The following SOX5 variants were observed in gnomAD, a reference collection of about 807,000 sequenced individuals.
SOX5 encodes SRY-box transcription factor 5, also known as transcription factor SOX-5.
SOX5 carries 9 observed loss-of-function variants against 92.0 expected under a neutral mutation model. The observed-to-expected ratio is 0.10, with a 90% CI of 0.06 to 0.17. SOX5 has a LOEUF of 0.17. Ranked by LOEUF, SOX5 falls within the 10% of genes least tolerant of loss-of-function variation. SOX5 has a pLI of 1.00. For synonymous variants in SOX5, 344 were observed against 336.3 expected (o/e 1.02, Z -0.25); for missense variants, 642 against 944.5 (o/e 0.68, Z 4.20).
chr12:24,230,005 A>G lies in SOX5; in HGVS notation c.-76-16588T>C, dbSNP rs967564113. Among the ~76,000 whole-genome samples the G allele has an allele frequency of 3.9e-5, 6 of 152,350 alleles. No homozygotes were observed. In the East Asian group the frequency reaches 1.2e-3, roughly 29 times the overall value. ...AAAAGAGAAATCATCAAAAATTTCA[A>G]ATGAGATCCCTAAAATGGGACATCT... On this transcript the variant is annotated intron_variant, in intron 3 of 4. Coordinates refer to the SOX5 transcript ENST00000446891.
chr12:23,908,253 G>A (rs1042548551), intron 1 of SOX5, among the ~76,000 whole-genome samples: 1 of 152,064 alleles, frequency 6.6e-6, no homozygotes, highest in African/African-American at 2.4e-5. Context: ...AAAACCTCCA[G>A]AGAATGCTTC....
At chr12:24,424,653 T>C (rs1198677423) in intron 1 of SOX5, among the ~76,000 whole-genome samples, 1 of 152,104 alleles carries the variant, frequency 6.6e-6, no homozygotes, top group Non-Finnish European at 1.5e-5. Context: ...TTCCCAACAC[T>C]ATAGTTTCCC....
At chr12:24,430,590 G>A (rs1172556165) in intron 1 of SOX5, among the ~76,000 whole-genome samples, 1 of 151,852 alleles carries the variant, frequency 6.6e-6, no homozygotes, top group African/African-American at 2.4e-5. Flanking sequence ...AGAACAACAA[G>A]TGCACTTCCT....
chr12:24,394,767 C>T (rs1959465945), intron 1 of SOX5, among the ~76,000 whole-genome samples: 1 of 152,106 alleles, frequency 6.6e-6, no homozygotes. Flanking sequence ...TTCACACTAC[C>T]CTTAAGTTAA....
At chr12:24,232,705 T>C (rs1409489392) in intron 3 of SOX5, among the ~76,000 whole-genome samples, 1 of 152,220 alleles carries the variant, frequency 6.6e-6, no homozygotes, top group African/African-American at 2.4e-5. Flanking sequence ...GTAACCTGGC[T>C]TTCATGGCCA....
intron 1 of SOX5, among the ~76,000 whole-genome samples, chr12:24,386,288 C>T (rs571518133): frequency 3.3e-4 from 51 of 152,248 alleles, no homozygotes; most frequent in African/African-American, 1.0e-3. Flanking sequence ...ACTTTACAAT[C>T]ATTATCATCA....
intron 6 of SOX5, among the ~76,000 whole-genome samples, chr12:23,719,661 G>A (rs1318502956): frequency 9.2e-5 from 14 of 151,804 alleles, no homozygotes; most frequent in Admixed American, 9.2e-4. Context: ...GGAGGCTGAG[G>A]TGGGACAATT....
intron 2 of SOX5, among the ~76,000 whole-genome samples, chr12:24,303,955 A>G (rs1326122379): frequency 6.6e-6 from 1 of 152,220 alleles, no homozygotes; most frequent in Non-Finnish European, 1.5e-5. Context: ...ATGTTCCACT[A>G]AAACATAATG....
At chr12:24,237,757 A>G (rs1044340088) in intron 3 of SOX5, 13 of 152,200 alleles carry the variant, frequency 8.5e-5, no homozygotes, top group African/African-American at 3.1e-4. Flanking sequence ...TCTTGTTTAC[A>G]TATATAGCCT....
intron 2 of SOX5, among the ~76,000 whole-genome samples, chr12:24,351,757 C>G (rs1423234994): frequency 6.6e-6 from 1 of 152,136 alleles, no homozygotes; most frequent in African/African-American, 2.4e-5. Context: ...TAATTTCTGT[C>G]TAACTATTGG....
chr12:24,100,489 C>T (rs1398811374), intron 4 of SOX5, among the ~76,000 whole-genome samples: 1 of 152,108 alleles, frequency 6.6e-6, no homozygotes, highest in Non-Finnish European at 1.5e-5. Context: ...ATCACTGTTT[C>T]TTTCTCAGTC....
At chr12:24,380,930 T>C (rs927101538) in intron 1 of SOX5, among the ~76,000 whole-genome samples, 7 of 152,154 alleles carry the variant, frequency 4.6e-5, no homozygotes, top group African/African-American at 1.7e-4. Flanking sequence ...AAAATCTCCA[T>C]CCAAATTTGA....
intron 3 of SOX5, among the ~76,000 whole-genome samples, chr12:23,762,169 G>A (rs1426775691): frequency 3.9e-5 from 6 of 151,990 alleles, no homozygotes; most frequent in African/African-American, 4.8e-5. Context: ...AAACCAGAAG[G>A]CCCCTTAACA....
intron 1 of SOX5, among the ~76,000 whole-genome samples, chr12:24,470,706 T>C (rs980351364): frequency 1.3e-5 from 2 of 152,226 alleles, no homozygotes; most frequent in Non-Finnish European, 2.9e-5. Context: ...TGGAAAGTAC[T>C]TGGACTCAGA....
chr12:24,232,565 A>T (rs1963612767), intron 3 of SOX5, among the ~76,000 whole-genome samples: 1 of 152,234 alleles, frequency 6.6e-6, no homozygotes, highest in Non-Finnish European at 1.5e-5. Context: ...TGCTAGAGAC[A>T]TGCCCCAGGA....
Position 24,403,527 on chromosome 12 carries a change from T to TA in SOX5, c.-250-34889dup, listed in dbSNP as rs1453022120. 2.0e-5 allele frequency among the ~76,000 whole-genome samples: 3 copies of TA among 152,222 alleles called. No homozygotes were observed. The East Asian group carries it at 5.8e-4, about 29-fold the overall frequency. ...TGTGAGCATTTTTTTACTCTTATTT[T>TA]AAAATATTAGTGTGCAGCTGTATTT... On this transcript the variant is annotated intron_variant, in intron 1 of 4. Coordinates refer to the SOX5 transcript ENST00000446891.
chr12:23,584,553 G>A (rs1950459625), intron 9 of SOX5: 2 of 1,606,976 alleles, frequency 1.2e-6, no homozygotes, highest in African/African-American at 1.3e-5. Context: ...ATACATGCAT[G>A]CACAGCTCCT....
chr12:24,073,863 A>T (rs1942130161), intron 4 of SOX5, among the ~76,000 whole-genome samples: 2 of 152,228 alleles, frequency 1.3e-5, no homozygotes, highest in South Asian at 4.1e-4. Context: ...AATAGACAAT[A>T]AATTTTATTT....
At chr12:24,557,645 G>A (rs1162123132) in intron 1 of SOX5, among the ~76,000 whole-genome samples, 5 of 151,990 alleles carry the variant, frequency 3.3e-5, no homozygotes, top group Non-Finnish European at 5.9e-5. Flanking sequence ...ACTAAAGTCC[G>A]CTCATCCCTA....
Sources: gnomAD v4.1 joint callset for allele counts (sites outside exome capture counted in the v4.1 genomes callset) on GRCh38, gnomAD v4.1.1 for gene constraint, MANE v1.5 for transcripts, NCBI Gene and HGNC (gene_info 2026-07-23, HGNC 2026-07-21) for gene names.